The following LMX1A variants were observed in gnomAD, a reference collection of about 807,000 sequenced individuals.
LMX1A encodes LIM homeobox transcription factor 1 alpha.
Under a neutral mutation model 49.1 loss-of-function variants are expected in LMX1A, and 15 were observed. The observed-to-expected ratio is 0.31, with a 90% confidence interval of 0.20 to 0.47. The LOEUF is 0.47. LMX1A is among the 20% of genes least tolerant of loss of function. LMX1A has a pLI of 1.00. For synonymous variants in LMX1A, 167 were observed against 185.7 expected (o/e 0.90, Z 0.82); for missense variants, 372 against 475.8 (o/e 0.78, Z 2.03).
intron 3 of LMX1A, among the ~76,000 whole-genome samples, chr1:165,251,715 T>C (rs1653066795): frequency 6.6e-6 from 1 of 152,156 alleles, no homozygotes; most frequent in African/African-American, 2.4e-5. Flanking sequence ...TCCTGTTTAA[T>C]ATATCTGAAC....
At chr1:165,341,483 A>G (rs550376687) in intron 3 of LMX1A, among the ~76,000 whole-genome samples, 34 of 152,304 alleles carry the variant, frequency 2.2e-4, no homozygotes, top group African/African-American at 7.9e-4. Context: ...TTCACTAAAT[A>G]CTATGCAAGA....
At chr1:165,345,686 C>T (rs1260501009) in intron 3 of LMX1A, among the ~76,000 whole-genome samples, 1 of 152,172 alleles carries the variant, frequency 6.6e-6, no homozygotes, top group Non-Finnish European at 1.5e-5. Context: ...GTCTATTTGC[C>T]TGAGCCCCAC....
chr1:165,283,740 G>A (rs1654222256), intron 3 of LMX1A, among the ~76,000 whole-genome samples: 1 of 152,162 alleles, frequency 6.6e-6, no homozygotes, highest in Non-Finnish European at 1.5e-5. Context: ...AACACAGCCT[G>A]GCACGTAGCA....
intron 3 of LMX1A, among the ~76,000 whole-genome samples, chr1:165,281,730 T>TTGTGTGTG (rs61207728): frequency 2.7e-5 from 4 of 149,526 alleles, no homozygotes; most frequent in African/African-American, 7.4e-5. Flanking sequence ...AGGCAATATT[T>TTGTGTGTG]TGTGTGTGTG....
At chr1:165,254,867 C>A (rs1028431424) in intron 3 of LMX1A, among the ~76,000 whole-genome samples, 1 of 152,254 alleles carries the variant, frequency 6.6e-6, no homozygotes, top group Admixed American at 6.5e-5. Flanking sequence ...CACCACCCAA[C>A]TTTCCTTGAT....
At chr1:165,337,575 A>G (rs761788832) in intron 3 of LMX1A, among the ~76,000 whole-genome samples, 1 of 152,206 alleles carries the variant, frequency 6.6e-6, no homozygotes, top group African/African-American at 2.4e-5. Context: ...GACAGATGCC[A>G]CTAATCCAGA....
intron 3 of LMX1A, among the ~76,000 whole-genome samples, chr1:165,266,957 TTC>T (rs1036644166): frequency 2.6e-5 from 4 of 151,752 alleles, no homozygotes; most frequent in Admixed American, 6.6e-5. Context: ...CTCTCTCTTT[TTC>T]TCTCTCTCTC....
chr1:165,288,462 G>T (rs1654360382), intron 3 of LMX1A, among the ~76,000 whole-genome samples: 1 of 152,050 alleles, frequency 6.6e-6, no homozygotes, highest in African/African-American at 2.4e-5. Context: ...GCAGGCAGCT[G>T]TCTCCTCGGC....
chr1:165,354,749 A>G (rs1268106516), intron 2 of LMX1A, among the ~76,000 whole-genome samples: 1 of 152,240 alleles, frequency 6.6e-6, no homozygotes, highest in Non-Finnish European at 1.5e-5. Context: ...AAAATAAAAT[A>G]AAATAAAATA....
At chr1:165,204,120 AC>A in intron 8 of LMX1A, 80 bp from the exon 9 acceptor site, 1 of 1,480,598 alleles carries the variant, frequency 6.8e-7, no homozygotes, top group East Asian at 2.3e-5. Context: ...GCTGAATTCA[AC>A]AAGTGTTGCC....
intron 4 of LMX1A, among the ~76,000 whole-genome samples, chr1:165,239,357 T>C (rs1571169980): frequency 6.6e-6 from 1 of 152,352 alleles, no homozygotes; most frequent in South Asian, 2.1e-4. Flanking sequence ...ACCCAACTCA[T>C]AATTATAGCA....
chr1:165,352,572 C>A (rs1656461341), intron 3 of LMX1A, among the ~76,000 whole-genome samples: 1 of 152,250 alleles, frequency 6.6e-6, no homozygotes, highest in South Asian at 2.1e-4. Flanking sequence ...GAGCGGGAAA[C>A]GCGCACAGGG....
At chr1:165,323,054 T>TA (rs781171297) in intron 3 of LMX1A, among the ~76,000 whole-genome samples, 5 of 152,258 alleles carry the variant, frequency 3.3e-5, no homozygotes, top group Non-Finnish European at 5.9e-5. Flanking sequence ...CCCTACCATG[T>TA]AAAAAATCTC....
chr1:165,274,103 A>G (rs977285721), intron 3 of LMX1A, among the ~76,000 whole-genome samples: 6 of 152,160 alleles, frequency 3.9e-5, no homozygotes, highest in Non-Finnish European at 1.5e-5. Flanking sequence ...TCCTAGCTTG[A>G]CTGTAATGCA....
intron 3 of LMX1A, among the ~76,000 whole-genome samples, chr1:165,349,740 A>G (rs1656363412): frequency 6.6e-6 from 1 of 152,222 alleles, no homozygotes; most frequent in Admixed American, 6.5e-5. Flanking sequence ...CGTCACTGTC[A>G]ATTCTATTTT....
intron 6 of LMX1A, among the ~76,000 whole-genome samples, chr1:165,209,863 C>G (rs894881025): frequency 1.3e-5 from 2 of 152,324 alleles, no homozygotes; most frequent in Middle Eastern, 3.4e-3. Flanking sequence ...CCACCTGGAG[C>G]TTGCAATTGG....
At chr1:165,216,006 C>T (rs1486308473) in intron 4 of LMX1A, 1 of 152,164 alleles carries the variant, frequency 6.6e-6, no homozygotes, top group Non-Finnish European at 1.5e-5. Flanking sequence ...TTCCCTCTGC[C>T]TCACCCCTCT....
chr1:165,207,889 T>C (rs997704667), intron 7 of LMX1A, among the ~76,000 whole-genome samples, 174 bp downstream of exon 7: 4 of 152,128 alleles, frequency 2.6e-5, no homozygotes, highest in African/African-American at 4.8e-5. Flanking sequence ...CCCTCAACCC[T>C]CTCACAAGTT....
At chr1:165,227,544 A>AATACATATGTACATAC (rs571321622) in intron 4 of LMX1A, among the ~76,000 whole-genome samples, 15,517 of 108,866 alleles carry the variant, frequency 0.14, 959 homozygotes, top group Non-Finnish European at 0.2. Context: ...CTATCTCAAT[A>AATACATATGTACATAC]ATACATACGT....
Sources: allele counts gnomAD v4.1 joint callset (sites outside exome capture counted in the v4.1 genomes callset), GRCh38; gene constraint gnomAD v4.1.1; transcripts MANE v1.5; gene names NCBI Gene and HGNC (gene_info 2026-07-23, HGNC 2026-07-21).